The following ADGB variants were observed in gnomAD, a reference collection of about 807,000 sequenced individuals.
ADGB encodes the protein androglobin, also known as calpain-7-like protein.
ADGB carries 172 observed loss-of-function variants against 210.5 expected under a neutral mutation model. The ratio of observed to expected loss-of-function variants is 0.82; its 90% CI spans 0.72 to 0.93. The LOEUF (loss-of-function observed/expected upper bound fraction) is 0.93, where lower values mean the gene tolerates loss of function less well. ADGB is among the 40% of genes least tolerant of loss of function. ADGB has a pLI of 0.00. For synonymous variants in ADGB, 658 were observed against 662.7 expected (o/e 0.99, Z 0.11); for missense variants, 2,025 against 1,964.8 (o/e 1.03, Z -0.58).
At chr6:146,687,414 A>G (rs1265130280) in intron 10 of ADGB, among the ~76,000 whole-genome samples, 1 of 152,038 alleles carries the variant, frequency 6.6e-6, no homozygotes, top group Non-Finnish European at 1.5e-5. Flanking sequence ...TCAATGATAG[A>G]CTGAATAAAG....
chr6:146,805,096 T>C (rs1778192214), intron 35 of ADGB, among the ~76,000 whole-genome samples: 3 of 152,194 alleles, frequency 2.0e-5, no homozygotes, highest in Admixed American at 2.0e-4. Flanking sequence ...AGAGCAACCT[T>C]CTTATCAAGA....
chr6:146,762,987 G>A (rs1777516990), intron 27 of ADGB, among the ~76,000 whole-genome samples: 1 of 152,108 alleles, frequency 6.6e-6, no homozygotes, highest in Non-Finnish European at 1.5e-5. Flanking sequence ...CTATTTCTGA[G>A]CTCCTTAACT....
chr6:146,773,040 T>A (rs747254172), intron 29 of ADGB, among the ~76,000 whole-genome samples: 20 of 152,014 alleles, frequency 1.3e-4, no homozygotes, highest in Non-Finnish European at 2.4e-4. Context: ...GAGCACAACA[T>A]GAGGGACAGA....
intron 3 of ADGB, among the ~76,000 whole-genome samples, chr6:146,653,064 C>T (rs1210222744): frequency 6.6e-6 from 1 of 152,098 alleles, no homozygotes; most frequent in Non-Finnish European, 1.5e-5. Flanking sequence ...GTCAGAGCAG[C>T]AGCATTAGAT....
chr6:146,726,376 C>CCA (rs1162686013), intron 19 of ADGB, among the ~76,000 whole-genome samples, 179 bp downstream of exon 19: 1 of 152,064 alleles, frequency 6.6e-6, no homozygotes, highest in Non-Finnish European at 1.5e-5. Flanking sequence ...GTGCGTGCCA[C>CCA]CACACCCTGC....
intron 22 of ADGB, among the ~76,000 whole-genome samples, chr6:146,735,048 A>AG (rs397886305): frequency 6.6e-6 from 1 of 151,926 alleles, no homozygotes; most frequent in Non-Finnish European, 1.5e-5. Context: ...TAAAAAAAAA[A>AG]GAATCTATTT....
At chr6:146,701,548 T>C (rs949846817) in intron 13 of ADGB, among the ~76,000 whole-genome samples, 6 of 152,068 alleles carry the variant, frequency 3.9e-5, no homozygotes, top group African/African-American at 1.4e-4. Flanking sequence ...TTTCTTACTA[T>C]TGTAAGCAAC....
Position 146,721,504 on chromosome 6 carries a change from A to G in ADGB, c.2094A>G (p.Gly698=). 1 of 1,513,026 alleles carries G rather than the reference A, an allele frequency of 6.6e-7. No homozygotes were observed. The highest frequency in any genetic ancestry group is 8.9e-7 in the Non-Finnish European group (1 of 1,123,780). The allele number at this position is 1,513,026 out of a possible 1,614,324, so 93.7% of individuals were successfully genotyped here. ...FSALVRWGEY[G]ALTKDSPPIE... Reference sequence around the variant, plus strand: ...CATTGGTACGCTGGGGGGAGTATGGAGGTAAGAGGGCTCTGAGAAAATGAT... The same window carrying G: ...CATTGGTACGCTGGGGGGAGTATGGGGGTAAGAGGGCTCTGAGAAAATGAT... Residue 698 remains glycine, a splice_region_variant and synonymous_variant, in exon 17 of 36, where the codon GGA becomes GGG. Transcript: ENST00000397944.
chr6:146,667,206 A>G (rs186019877), intron 7 of ADGB, among the ~76,000 whole-genome samples: 62 of 152,150 alleles, frequency 4.1e-4, no homozygotes, highest in African/African-American at 1.4e-3. Context: ...TGGGAAATCT[A>G]CAACAAAGAA....
At chr6:146,727,881 T>C (rs527352456) in intron 19 of ADGB, among the ~76,000 whole-genome samples, 1 of 152,252 alleles carries the variant, frequency 6.6e-6, no homozygotes, top group Non-Finnish European at 1.5e-5. Context: ...GCAAGGCATC[T>C]GTGCTTCAGG....
chr6:146,707,334 T>A (rs1340768500), intron 13 of ADGB, among the ~76,000 whole-genome samples: 1 of 152,202 alleles, frequency 6.6e-6, no homozygotes, highest in Non-Finnish European at 1.5e-5. Context: ...ATGTTCTGTA[T>A]ATATCTGTTA....
intron 35 of ADGB, chr6:146,803,598 C>T: frequency 7.3e-7 from 1 of 1,366,466 alleles, no homozygotes; most frequent in Non-Finnish European, 1.0e-6. Context: ...TAACCTCCTT[C>T]ATGTTCTTAT....
At chr6:146,763,009 C>T (rs1231632940) in intron 27 of ADGB, among the ~76,000 whole-genome samples, 1 of 152,156 alleles carries the variant, frequency 6.6e-6, no homozygotes, top group Non-Finnish European at 1.5e-5. Context: ...CTCATATACT[C>T]CCTTCTGGTA....
intron 28 of ADGB, among the ~76,000 whole-genome samples, chr6:146,765,185 G>A (rs1358908439): frequency 1.3e-5 from 2 of 151,816 alleles, no homozygotes; most frequent in Non-Finnish European, 2.9e-5. Flanking sequence ...CTAACATATA[G>A]GCACCTAATT....
chr6:146,814,177 A>G (rs761259780), intron 35 of ADGB, among the ~76,000 whole-genome samples: 20 of 152,196 alleles, frequency 1.3e-4, no homozygotes, highest in Non-Finnish European at 2.6e-4. Flanking sequence ...CAACATCTCA[A>G]TAAAATTAAG....
At chr6:146,786,118 A>G (rs1777869159) in intron 32 of ADGB, among the ~76,000 whole-genome samples, 1 of 148,018 alleles carries the variant, frequency 6.8e-6, no homozygotes, top group South Asian at 2.1e-4. Context: ...TAAGTATATA[A>G]TATATATTTT....
At chr6:146,664,667 G>A (rs1038836076) in intron 6 of ADGB, among the ~76,000 whole-genome samples, 4 of 151,972 alleles carry the variant, frequency 2.6e-5, no homozygotes, top group Admixed American at 2.6e-4. Flanking sequence ...AAAAATATTG[G>A]TTCATCTAAA....
At chr6:146,740,371 A>C in intron 23 of ADGB, 88 bp from the exon 24 acceptor site, 1 of 1,177,494 alleles carries the variant, frequency 8.5e-7, no homozygotes, top group Non-Finnish European at 1.2e-6. Flanking sequence ...AATATCTTAT[A>C]CTATTTTTTG....
chr6:146,780,418 A>G (rs1028877396), intron 29 of ADGB, among the ~76,000 whole-genome samples: 6 of 152,180 alleles, frequency 3.9e-5, no homozygotes, highest in Non-Finnish European at 8.8e-5. Flanking sequence ...CTGAATGGCC[A>G]ACAAACACAT....
Sources: allele counts gnomAD v4.1 joint callset (sites outside exome capture counted in the v4.1 genomes callset), GRCh38; gene constraint gnomAD v4.1.1; transcripts MANE v1.5; gene names NCBI Gene and HGNC (gene_info 2026-07-23, HGNC 2026-07-21).